The following WIPI1 variants were observed in gnomAD, a reference collection of about 807,000 sequenced individuals.
WIPI1 encodes WD repeat domain phosphoinositide-interacting protein 1.
Under a neutral mutation model 55.3 loss-of-function variants are expected in WIPI1, and 45 were observed. That is an observed-to-expected ratio of 0.81 (90% CI 0.64 to 1.04). WIPI1 has a LOEUF of 1.04. Ranked by LOEUF, WIPI1 falls within the 50% of genes least tolerant of loss-of-function variation. The pLI is 0.00. For synonymous variants in WIPI1, 195 were observed against 217.6 expected, an observed-to-expected ratio of 0.90 and a Z score of 0.92; for missense variants, 445 against 559.0, an observed-to-expected ratio of 0.80 and a Z score of 2.06.
chr17:68,454,416 T>A (rs2084595848), intron 1 of WIPI1, among the ~76,000 whole-genome samples: 2 of 152,036 alleles, frequency 1.3e-5, no homozygotes, highest in Non-Finnish European at 2.9e-5. Flanking sequence ...TTCCCTGGAA[T>A]TTTTTTTCCC....
intron 3 of WIPI1, among the ~76,000 whole-genome samples, chr17:68,445,685 G>C (rs939368511): frequency 6.6e-6 from 1 of 152,168 alleles, no homozygotes; most frequent in African/African-American, 2.4e-5. Flanking sequence ...CAGGCCACAG[G>C]GTTGATGTAT....
At chr17:68,432,503 C>T (rs2083572608) in intron 8 of WIPI1, among the ~76,000 whole-genome samples, 1 of 152,182 alleles carries the variant, frequency 6.6e-6, no homozygotes, top group Admixed American at 6.5e-5. Flanking sequence ...AGTCCCAGCA[C>T]TTTGGGAGGT....
At chr17:68,422,500 G>A (rs1419140030) in intron 12 of WIPI1, 1 of 150,610 alleles carries the variant, frequency 6.6e-6, no homozygotes, top group African/African-American at 2.4e-5. Flanking sequence ...AGGAGGCTGA[G>A]GGGGGTGATC....
chr17:68,445,709 G>T (rs1391410741), intron 3 of WIPI1, among the ~76,000 whole-genome samples: 5 of 152,242 alleles, frequency 3.3e-5, no homozygotes, highest in Non-Finnish European at 7.3e-5. Flanking sequence ...GTGTTTAAAG[G>T]AATATAACGC....
chr17:68,426,199 A>C, intron 11 of WIPI1, 24 bp from the exon 12 acceptor site: 2 of 1,510,532 alleles, frequency 1.3e-6, no homozygotes, highest in Non-Finnish European at 1.8e-6. Flanking sequence ...AAGAGACATG[A>C]AACAAGCACT....
In WIPI1 at chr17:68,428,948, G is replaced by A. The variant is rs780324885; in HGVS notation, c.966-12C>T. 1.9e-6 allele frequency: 3 copies of A among 1,605,600 alleles called. No individual in the cohort carries two copies. The highest frequency in any genetic ancestry group is 1.3e-5 in the African/African-American group (1 of 74,768). On this transcript the variant is annotated splice_polypyrimidine_tract_variant and intron_variant, in intron 9 of 12. Coordinates refer to ENST00000262139, the MANE Select transcript of WIPI1 (RefSeq NM_017983.7). ...GCAACTTCTGGATCCTAAGGGCCAA[G>A]GAAAACATAAACCGTGATGACAACG...
At chr17:68,448,105 G>A (rs1306611328) in intron 3 of WIPI1, among the ~76,000 whole-genome samples, 1 of 151,848 alleles carries the variant, frequency 6.6e-6, no homozygotes, top group African/African-American at 2.4e-5. Flanking sequence ...GCCTGAGGAA[G>A]TAGCAGACTG....
rs1486944390 is a variant in WIPI1, at chr17:68,421,554, A to T, written c.*219T>A. On this transcript the variant is annotated 3_prime_UTR_variant, in exon 13 of 13. Coordinates refer to ENST00000262139, the MANE Select transcript of WIPI1 (RefSeq NM_017983.7). ...ACTATAGTTTGAACGTATTTTAAAT[A>T]GCATGATGTGTATACAATGTCTCCC... 4 of 583,876 alleles carry T rather than the reference A, an allele frequency of 6.9e-6. No homozygotes were observed. Among genetic ancestry groups the T allele is most frequent in the Admixed American group, 5.8e-5 (2 of 34,440 alleles). 36.2% of individuals were successfully genotyped at this position (583,876 alleles called of 1,614,324 possible). A position where few individuals can be genotyped will look rare whatever the true frequency, so the allele number is the denominator to read the frequency against.
chr17:68,448,898 A>G (rs1316539309), intron 3 of WIPI1, among the ~76,000 whole-genome samples: 1 of 152,208 alleles, frequency 6.6e-6, no homozygotes, highest in African/African-American at 2.4e-5. Flanking sequence ...CCAAGAATGC[A>G]GGTTTCTTTT....
Position 68,426,251 on chromosome 17 carries a change from G to GGGGGGGGGGT in WIPI1, c.1193-77_1193-76insACCCCCCCCC. 7 of 825,460 alleles carry GGGGGGGGGGT rather than the reference G, an allele frequency of 8.5e-6. 1 individual carries two copies. The highest frequency in any genetic ancestry group is 7.0e-5 in the Admixed American group (3 of 42,752). The allele number at this position is 825,460 out of a possible 1,614,324, so 51.1% of individuals were successfully genotyped here. A position where few individuals can be genotyped will look rare whatever the true frequency, so the allele number is the denominator to read the frequency against. On this transcript the variant is annotated intron_variant, in intron 11 of 12. Coordinates refer to ENST00000262139, the MANE Select transcript of WIPI1 (RefSeq NM_017983.7). ...GCCATGACCTGGCGGGTGGGGAGCGGGGGCTCAAATAAAGGGCAAAGGAAG... is the reference window on the plus strand; with the variant it reads ...GCCATGACCTGGCGGGTGGGGAGCGGGGGGGGGGGTGGGCTCAAATAAAGGGCAAAGGAAG...
chr17:68,453,731 G>A (rs1045743681), intron 1 of WIPI1, among the ~76,000 whole-genome samples: 1 of 151,960 alleles, frequency 6.6e-6, no homozygotes, highest in Non-Finnish European at 1.5e-5. Flanking sequence ...CACCTGCCTC[G>A]GCCTCCCAAA....
At chr17:68,429,956 A>G (rs774216814) in intron 9 of WIPI1, 40 bp downstream of exon 9, 13 of 1,610,462 alleles carry the variant, frequency 8.1e-6, no homozygotes, top group African/African-American at 5.4e-5. Flanking sequence ...TACATTGACG[A>G]AAGTGTGGTC....
chr17:68,444,524 C>G lies in WIPI1; in HGVS notation c.399G>C (p.Lys133Asn). The change falls in exon 4 of 13, where the codon AAG becomes AAC. Residue 133 changes from lysine (K) to asparagine (N), a missense_variant. Physicochemically the swap from Lys to Asn is moderately conservative, Grantham distance 94. Coordinates refer to ENST00000262139, the MANE Select transcript of WIPI1 (RefSeq NM_017983.7). ...IHNIKDMKLL[K>N]TLLDIPANPT... Reference sequence around the variant, plus strand: ...GGTTTGCAGGAATATCCAGGAGGGTCTTCAACAGCTTCATGTCTTTAATGT... The same window carrying G: ...GGTTTGCAGGAATATCCAGGAGGGTGTTCAACAGCTTCATGTCTTTAATGT... 1.2e-6 allele frequency: 2 copies of G among 1,614,052 alleles called. No homozygotes were observed. Among genetic ancestry groups the G allele is most frequent in the African/African-American group, 2.7e-5 (2 of 75,046 alleles).
chr17:68,437,014 A>ATGTGTG lies in WIPI1; in HGVS notation c.431-536_431-535insCACACA, dbSNP rs1181984378. 6.9e-3 allele frequency among the ~76,000 whole-genome samples: 566 copies of ATGTGTG among 82,134 alleles called. 5 individuals carry two copies. Among genetic ancestry groups the ATGTGTG allele is most frequent in the African/African-American group, 0.024 (531 of 21,956 alleles). 53.9% of individuals were successfully genotyped at this position (82,134 alleles called of 152,430 possible). ...GTCTCAAAAAAAAAAAAATATATAT[A>ATGTGTG]TATGTGTGTGTGTGTGTGTGTGTAT... On this transcript the variant is annotated intron_variant, in intron 4 of 12. Transcript: ENST00000262139.
chr17:68,436,466 G>C lies in WIPI1; in HGVS notation c.444C>G (p.Leu148=). The change falls in exon 5 of 13, where the codon CTC becomes CTG. Residue 148 remains leucine, a synonymous_variant. Transcript: ENST00000262139. ...IPANPTGLCA[L]SINHSNSYLA... Reference sequence around the variant, plus strand: ...GGTAAGAATTGGAATGGTTGATAGAGAGAGCACATAGACCTGGCAAAGAAG... The same window carrying C: ...GGTAAGAATTGGAATGGTTGATAGACAGAGCACATAGACCTGGCAAAGAAG... 6.2e-7 allele frequency: 1 copy of C among 1,613,928 alleles called. No individual in the cohort carries two copies. Among genetic ancestry groups the C allele is most frequent in the Non-Finnish European group, 8.5e-7 (1 of 1,179,850 alleles).
chr17:68,448,030 A>G (rs2084354731), intron 3 of WIPI1, among the ~76,000 whole-genome samples: 1 of 151,006 alleles, frequency 6.6e-6, no homozygotes, highest in Admixed American at 6.6e-5. Flanking sequence ...TTGGATCCTT[A>G]TAACACCTTA....
intron 4 of WIPI1, among the ~76,000 whole-genome samples, chr17:68,437,470 G>T (rs1187836364): frequency 2.0e-5 from 3 of 151,838 alleles, no homozygotes; most frequent in African/African-American, 7.3e-5. Context: ...CAGGAGAATT[G>T]CTTAAACCTG....
chr17:68,426,245 GGAGC>G, intron 11 of WIPI1, 70 bp from the exon 12 acceptor site: 23 of 948,196 alleles, frequency 2.4e-5, no homozygotes, highest in Non-Finnish European at 2.7e-5. Context: ...TGGCGGGTGG[GGAGC>G]GGGGGCTCAA....
chr17:68,446,279 C>T (rs1243765797), intron 3 of WIPI1, among the ~76,000 whole-genome samples: 2 of 151,996 alleles, frequency 1.3e-5, no homozygotes, highest in Admixed American at 1.3e-4. Context: ...CTCTGGGGCT[C>T]AGTCCATTTT....
Sources: allele counts gnomAD v4.1 joint callset (sites outside exome capture counted in the v4.1 genomes callset), GRCh38; gene constraint gnomAD v4.1.1; transcripts MANE v1.5; gene names NCBI Gene and HGNC (gene_info 2026-07-23, HGNC 2026-07-21).